PPP2R3B: variants seen among roughly 807,000 people sequenced by gnomAD.
PPP2R3B encodes the protein serine/threonine-protein phosphatase 2A regulatory subunit B'' subunit beta.
PPP2R3B carries 68 observed loss-of-function variants against 72.9 expected under a neutral mutation model. The observed-to-expected ratio is 0.93, with a 90% CI of 0.77 to 1.14. The LOEUF is 1.14. Ranked by LOEUF, PPP2R3B falls within the 50% of genes most tolerant of loss-of-function variation. The pLI is 0.00. For missense variants in PPP2R3B, 1,018 were observed against 842.0 expected, an observed-to-expected ratio of 1.21 and a Z score of -2.59; for synonymous variants, 466 against 375.8, an observed-to-expected ratio of 1.24 and a Z score of -2.78.
intron 1 of PPP2R3B, among the ~76,000 whole-genome samples, chrX:364,509 AAAAAAAAAAAAC>A (rs1269676856): frequency 1.8e-4 from 21 of 114,774 alleles, no homozygotes; most frequent in African/African-American, 5.9e-4. Flanking sequence ...TCTCTACTAA[AAAAAAAAAAAAC>A]AAAAAAAAAA....
chrX:374,002 C>T (rs2071932072), intron 1 of PPP2R3B: 2 of 152,570 alleles, frequency 1.3e-5, no homozygotes, highest in South Asian at 4.1e-4. Context: ...GCTGGGCCGT[C>T]CGGCCGGGCA....
chrX:349,149 C>G (rs1278612082), intron 2 of PPP2R3B, among the ~76,000 whole-genome samples: 1 of 152,108 alleles, frequency 6.6e-6, no homozygotes, highest in Non-Finnish European at 1.5e-5. Flanking sequence ...TGCTGAAATC[C>G]TCTCCCCCGA....
intron 1 of PPP2R3B, among the ~76,000 whole-genome samples, chrX:363,322 C>T: frequency 6.6e-6 from 1 of 151,076 alleles, no homozygotes; most frequent in Non-Finnish European, 1.5e-5. Context: ...CACCATCCCA[C>T]AGTGCATCTC....
intron 1 of PPP2R3B, among the ~76,000 whole-genome samples, chrX:368,045 C>T (rs1171333640): frequency 6.6e-6 from 1 of 152,240 alleles, no homozygotes; most frequent in Non-Finnish European, 1.5e-5. Flanking sequence ...CGGCACTGAT[C>T]AAGTAAACAC....
At position 338,195 on chromosome X, in the gene PPP2R3B, C is replaced by T. The variant is rs1393357521; in HGVS notation, c.1577+409G>A. On this transcript the variant is annotated intron_variant, in intron 12 of 12. Transcript: ENST00000390665. ...CCGTGAGAAAGCAACCAGCCCAGGG[C>T]CTCTCAGGGCCTCCAAGGCTGGAAG... 2.6e-5 allele frequency: 9 copies of T among 347,064 alleles called. No individual in the cohort carries two copies. The East Asian group carries it at 5.1e-4, about 20-fold the overall frequency. 21.5% of individuals were successfully genotyped at this position (347,064 alleles called of 1,614,324 possible).
In PPP2R3B at chrX:334,302, G is replaced by C. The variant is rs371751786; in HGVS notation, c.*65C>G. 7.1e-6 allele frequency: 10 copies of C among 1,406,324 alleles called. No homozygotes were observed. The African/African-American group carries it at 9.1e-5, about 13-fold the overall frequency. The allele number at this position is 1,406,324 out of a possible 1,614,324, so 87.1% of individuals were successfully genotyped here. A position where few individuals can be genotyped will look rare whatever the true frequency, so the allele number is the denominator to read the frequency against. Reference sequence around the variant, plus strand: ...TCATTTTCCACAACAGTTTTTACACGAGCCGCGGTGGCCCGGTGGTGGCAC... The same window carrying C: ...TCATTTTCCACAACAGTTTTTACACCAGCCGCGGTGGCCCGGTGGTGGCAC... On this transcript the variant is annotated 3_prime_UTR_variant, in exon 13 of 13. Transcript: ENST00000390665.
At chrX:383,753 G>C (rs1306724650) in intron 1 of PPP2R3B, among the ~76,000 whole-genome samples, 7 of 146,648 alleles carry the variant, frequency 4.8e-5, no homozygotes, top group Non-Finnish European at 1.0e-4. Flanking sequence ...CAGGAGAATG[G>C]CGTGAACCCG....
chrX:338,171 C>T (rs1231142962), intron 12 of PPP2R3B: 7 of 289,052 alleles, frequency 2.4e-5, no homozygotes, highest in South Asian at 1.1e-4. Context: ...CCTCACGCTC[C>T]GTGAGAAAGC....
chrX:351,442 G>A (rs1222123498), intron 2 of PPP2R3B, among the ~76,000 whole-genome samples: 2 of 152,218 alleles, frequency 1.3e-5, no homozygotes, highest in Non-Finnish European at 2.9e-5. Flanking sequence ...CGGTGGCAGG[G>A]ATGGAGCATC....
intron 2 of PPP2R3B, among the ~76,000 whole-genome samples, chrX:358,943 G>T (rs1193910699): frequency 2.0e-5 from 3 of 147,598 alleles, no homozygotes; most frequent in Admixed American, 2.0e-4. Flanking sequence ...CCGCGGCGGG[G>T]GTAGGGGAGG....
In PPP2R3B at chrX:341,028, C is replaced by T. The variant is rs770220341; in HGVS notation, c.1176-88G>A. 2.5e-4 allele frequency: 386 copies of T among 1,522,534 alleles called. 1 individual carries two copies. In the African/African-American group the frequency reaches 5.0e-3, roughly 20 times the overall value. The allele number at this position is 1,522,534 out of a possible 1,614,324, so 94.3% of individuals were successfully genotyped here. A position where few individuals can be genotyped will look rare whatever the true frequency, so the allele number is the denominator to read the frequency against. On this transcript the variant is annotated intron_variant, in intron 9 of 12. Transcript: ENST00000390665. ...CCTGAGGCAGCCCCCACCGGGGGTGCACGCGTCCCCGCTGTGCCTTGCAGC... is the reference window on the plus strand; with the variant it reads ...CCTGAGGCAGCCCCCACCGGGGGTGTACGCGTCCCCGCTGTGCCTTGCAGC...
At chrX:352,877 G>T (rs1048025883) in intron 2 of PPP2R3B, among the ~76,000 whole-genome samples, 22 of 150,798 alleles carry the variant, frequency 1.5e-4, no homozygotes, top group Non-Finnish European at 3.2e-4. Flanking sequence ...GTGAGCGAGT[G>T]ACATCGCGGA....
rs368568090 is a variant in PPP2R3B, at chrX:347,679, G to A, written c.525C>T (p.Pro175=). Residue 175 remains proline (P), a synonymous_variant, in exon 3 of 13, where the codon CCC becomes CCT. Coordinates refer to ENST00000390665, the MANE Select transcript of PPP2R3B (RefSeq NM_013239.5). The part of the protein sequence containing the change: ...MGLVAKACGC[P]LYWKGPLFYG... ...AGAAGAGCGGCCCCTTCCAGTAGAG[G>A]GGGCAGCCGCAGGCCTGGGGCAGAG... 2,703 of 1,543,104 alleles carry A rather than the reference G, an allele frequency of 1.8e-3. 2 individuals carry two copies. The highest frequency in any genetic ancestry group is 2.2e-3 in the Non-Finnish European group (2,521 of 1,146,490).
chrX:374,541 G>A (rs780175943), intron 1 of PPP2R3B, among the ~76,000 whole-genome samples: 60 of 152,308 alleles, frequency 3.9e-4, no homozygotes, highest in African/African-American at 1.4e-3. Context: ...AGGGGGACGG[G>A]CAACTTTAAA....
At chrX:349,732 T>G (rs2071289752) in intron 2 of PPP2R3B, among the ~76,000 whole-genome samples, 1 of 152,112 alleles carries the variant, frequency 6.6e-6, no homozygotes, top group Non-Finnish European at 1.5e-5. Flanking sequence ...AAATAAAATC[T>G]TCAATAATGC....
intron 1 of PPP2R3B, among the ~76,000 whole-genome samples, chrX:378,151 C>T (rs2072040382): frequency 6.6e-6 from 1 of 152,170 alleles, no homozygotes; most frequent in Non-Finnish European, 1.5e-5. Context: ...TCAGCCTGTT[C>T]CCCCCAAATT....
chrX:361,083 C>A (rs2071528189), intron 2 of PPP2R3B, among the ~76,000 whole-genome samples: 2 of 152,142 alleles, frequency 1.3e-5, no homozygotes, highest in South Asian at 4.1e-4. Context: ...CGCCACTGGC[C>A]CCGGAGGGGA....
chrX:363,267 T>C (rs1569403516), intron 1 of PPP2R3B, among the ~76,000 whole-genome samples: 18 of 150,982 alleles, frequency 1.2e-4, no homozygotes, highest in Admixed American at 5.3e-4. Context: ...GATCCCGCAG[T>C]GCATCTCCCC....
At position 347,752 on chromosome X, in the gene PPP2R3B, T is replaced by A. The variant is rs1219895339; in HGVS notation, c.511-59A>T. 2.0e-5 allele frequency: 27 copies of A among 1,323,972 alleles called. No individual in the cohort carries two copies. The East Asian group carries it at 6.8e-4, about 34-fold the overall frequency. The allele number at this position is 1,323,972 out of a possible 1,614,324, so 82.0% of individuals were successfully genotyped here. A position where few individuals can be genotyped will look rare whatever the true frequency, so the allele number is the denominator to read the frequency against. ...AGGGCCTGGACGCCGGCGCTCCTGCTGCGTACCTCGCGCCTGACCGACGCC... is the reference window on the plus strand; with the variant it reads ...AGGGCCTGGACGCCGGCGCTCCTGCAGCGTACCTCGCGCCTGACCGACGCC... On this transcript the variant is annotated intron_variant, in intron 2 of 12. Transcript: ENST00000390665.
Sources: gnomAD v4.1 joint callset for allele counts (sites outside exome capture counted in the v4.1 genomes callset) on GRCh38, gnomAD v4.1.1 for gene constraint, MANE v1.5 for transcripts, NCBI Gene and HGNC (gene_info 2026-07-23, HGNC 2026-07-21) for gene names.